SHANK2: variants seen among roughly 807,000 people sequenced by gnomAD.
The protein encoded by SHANK2 is SH3 and multiple ankyrin repeat domains protein 2.
Under a neutral mutation model 133.7 loss-of-function variants are expected in SHANK2, and 43 were observed. That is an observed-to-expected ratio of 0.32 (90% confidence interval 0.25 to 0.41). The LOEUF (loss-of-function observed/expected upper bound fraction) is 0.41. Among genes scored for constraint, SHANK2 ranks in the 10% least tolerant of loss-of-function variants. The pLI, the probability that SHANK2 is intolerant of heterozygous loss-of-function variation, is 1.00. For missense variants in SHANK2, 1,994 were observed against 2,235.8 expected (o/e 0.89, Z 2.18); for synonymous variants, 1,017 against 952.8 (o/e 1.07, Z -1.24).
At chr11:70,504,148 G>A (rs894401575) in intron 17 of SHANK2, among the ~76,000 whole-genome samples, 1 of 152,208 alleles carries the variant, frequency 6.6e-6, no homozygotes, top group Non-Finnish European at 1.5e-5. Context: ...CAGCCAAGAC[G>A]TCATGCCCCT....
intron 10 of SHANK2, among the ~76,000 whole-genome samples, chr11:70,910,095 C>G (rs537706124): frequency 6.6e-6 from 1 of 152,318 alleles, no homozygotes; most frequent in East Asian, 1.9e-4. Context: ...TATAGGGACA[C>G]TGGTCATATC....
At chr11:70,928,215 C>T (rs1038822889) in intron 10 of SHANK2, among the ~76,000 whole-genome samples, 5 of 152,152 alleles carry the variant, frequency 3.3e-5, no homozygotes, top group Admixed American at 6.5e-5. Context: ...TACCTGTTCC[C>T]GTCGATGGAG....
intron 9 of SHANK2, among the ~76,000 whole-genome samples, chr11:71,064,253 G>T (rs1002871172): frequency 6.6e-6 from 1 of 152,236 alleles, no homozygotes; most frequent in Non-Finnish European, 1.5e-5. Flanking sequence ...ACCACACAAC[G>T]TCAGGACGGG....
Position 70,816,222 on chromosome 11 carries a change from G to C in SHANK2, c.1493+4142C>G, listed in dbSNP as rs781894666. On this transcript the variant is annotated intron_variant, in intron 12 of 25. Transcript: ENST00000601538. ...TTAATCCACCCAGCACACTCGGGAG[G>C]GGGTGAAAGTCATCAGCCCCACTTT... Among the ~76,000 whole-genome samples the C allele has an allele frequency of 2.0e-4, 30 of 152,372 alleles. 1 individual carries two copies. The highest frequency in any genetic ancestry group is 1.5e-4 in the Non-Finnish European group (10 of 68,044).
intron 1 of SHANK2, among the ~76,000 whole-genome samples, chr11:71,244,106 C>G (rs1555124720): frequency 6.6e-6 from 1 of 152,238 alleles, no homozygotes; most frequent in African/African-American, 2.4e-5. Flanking sequence ...GTCCTCTCCA[C>G]TCTCCTGTCT....
chr11:70,643,687 CTCTT>C (rs1476384855), intron 17 of SHANK2, among the ~76,000 whole-genome samples: 6 of 151,862 alleles, frequency 4.0e-5, no homozygotes, highest in African/African-American at 1.5e-4. Flanking sequence ...GCAAATATTC[CTCTT>C]TCTTTTATAC....
intron 14 of SHANK2, among the ~76,000 whole-genome samples, chr11:70,792,394 G>GCCAACCAA (rs57783483): frequency 0.015 from 2,191 of 144,176 alleles, 35 homozygotes; most frequent in Admixed American, 0.031. Flanking sequence ...CAGCCAACCA[G>GCCAACCAA]CCAACCAACC....
rs942340911 is a variant in SHANK2 at position 70,866,694 on chromosome 11, C to T, written c.1174+29807G>A. Among the ~76,000 whole-genome samples, 9 of 152,062 alleles carry T rather than the reference C, an allele frequency of 5.9e-5. No individual in the cohort carries two copies. In the South Asian group the frequency reaches 1.0e-3, roughly 18 times the overall value. On this transcript the variant is annotated intron_variant, in intron 11 of 25. Transcript: ENST00000601538. ...TTTCTTATCAGTTCACGCAGGGGCCCGGAGACACACAAGTCAACAAATAGG... is the reference window on the plus strand; with the variant it reads ...TTTCTTATCAGTTCACGCAGGGGCCTGGAGACACACAAGTCAACAAATAGG...
intron 17 of SHANK2, among the ~76,000 whole-genome samples, chr11:70,545,997 G>A (rs2059688246): frequency 6.6e-6 from 1 of 152,146 alleles, no homozygotes; most frequent in Admixed American, 6.5e-5. Flanking sequence ...GGGAAGAGAA[G>A]CTCGGGGCAA....
intron 17 of SHANK2, among the ~76,000 whole-genome samples, chr11:70,599,605 CAAAAAAAAAAAAAAAAAAAAA>C (rs1160187418): frequency 1.3e-4 from 4 of 30,318 alleles, no homozygotes; most frequent in African/African-American, 6.3e-4. Context: ...GACTCCGTCT[CAAAAAAAAAAAAAAAAAAAAA>C]AAAAAAAAAA....
intron 9 of SHANK2, among the ~76,000 whole-genome samples, chr11:71,073,643 A>ATT (rs1346562604): frequency 2.0e-5 from 3 of 151,904 alleles, no homozygotes; most frequent in Non-Finnish European, 4.4e-5. Flanking sequence ...GATTTTTAAA[A>ATT]TTTTGTAGAG....
Position 71,093,309 on chromosome 11 carries a change from G to A in SHANK2, c.745-720C>T, listed in dbSNP as rs139384732. Reference sequence around the variant, plus strand: ...AGTGGAAAACCACCTCATTCCGCACGCTGAGGGTGGCGAACCTAGCAAGCA... The same window carrying A: ...AGTGGAAAACCACCTCATTCCGCACACTGAGGGTGGCGAACCTAGCAAGCA... On this transcript the variant is annotated intron_variant, in intron 7 of 25. Transcript: ENST00000601538. 5.5e-3 allele frequency among the ~76,000 whole-genome samples: 841 copies of A among 152,268 alleles called. 4 individuals are homozygous for A. Among genetic ancestry groups the A allele is most frequent in the African/African-American group, 0.02 (817 of 41,540 alleles).
chr11:70,755,682 C>T (rs1018397614), intron 14 of SHANK2, among the ~76,000 whole-genome samples: 4 of 152,132 alleles, frequency 2.6e-5, no homozygotes, highest in African/African-American at 4.8e-5. Flanking sequence ...CCCTCGGCTC[C>T]GCACCCCGCG....
chr11:70,730,357 C>A (rs1034440492), intron 14 of SHANK2, among the ~76,000 whole-genome samples: 6 of 152,090 alleles, frequency 3.9e-5, no homozygotes, highest in African/African-American at 1.4e-4. Flanking sequence ...GAGATTGCAA[C>A]CTCCCCACTC....
intron 1 of SHANK2, among the ~76,000 whole-genome samples, chr11:71,237,917 G>T (rs1555123917): frequency 2.0e-5 from 3 of 152,358 alleles, no homozygotes; most frequent in Non-Finnish European, 1.5e-5. Context: ...CCAGGCTGGG[G>T]TGTGGTAGAG....
intron 17 of SHANK2, among the ~76,000 whole-genome samples, chr11:70,645,824 G>A (rs1459395176): frequency 6.6e-6 from 1 of 151,810 alleles, no homozygotes; most frequent in Admixed American, 6.6e-5. Flanking sequence ...CTGACCCCCT[G>A]CCCTGCCACA....
rs1346234041 is a variant in SHANK2, at chr11:70,535,827, A to C, written c.2062-32896T>G. ...CGCTGGCAGGGAGCTGGGCCCAGGCACTTGGGAAGCTTGGGAGCCTGAGAA... is the reference window on the plus strand; with the variant it reads ...CGCTGGCAGGGAGCTGGGCCCAGGCCCTTGGGAAGCTTGGGAGCCTGAGAA... On this transcript the variant is annotated intron_variant, in intron 17 of 25. Transcript: ENST00000601538. The surrounding 1 kb of genome is among the most constrained non-coding windows in gnomAD (Gnocchi z 4.3). Among the ~76,000 whole-genome samples, 1 of 152,202 alleles carries C rather than the reference A, an allele frequency of 6.6e-6. No homozygotes were observed. Among genetic ancestry groups the C allele is most frequent in the Non-Finnish European group, 1.5e-5 (1 of 68,022 alleles).
intron 1 of SHANK2, among the ~76,000 whole-genome samples, chr11:71,243,413 G>A (rs1555124629): frequency 6.6e-6 from 1 of 152,238 alleles, no homozygotes; most frequent in Non-Finnish European, 1.5e-5. Context: ...AAAGGAGTCA[G>A]GCCGGGCGTG....
chr11:70,895,124 C>T (rs886735703), intron 11 of SHANK2, among the ~76,000 whole-genome samples: 10 of 152,226 alleles, frequency 6.6e-5, no homozygotes, highest in African/African-American at 1.4e-4. Context: ...CAGTGTCAGG[C>T]GCAGCCTTTG....
Sources: gnomAD v4.1 joint callset for allele counts (sites outside exome capture counted in the v4.1 genomes callset) on GRCh38, gnomAD v4.1.1 for gene constraint, Gnocchi (gnomAD v3.1) non-coding constraint, MANE v1.5 for transcripts, NCBI Gene and HGNC (gene_info 2026-07-23, HGNC 2026-07-21) for gene names.